Variants in MACROD2 observed in about 807,000 individuals in gnomAD.
MACROD2 encodes ADP-ribose glycohydrolase MACROD2.
Under a neutral mutation model 70.4 loss-of-function variants are expected in MACROD2, and 36 were observed. That is an observed-to-expected ratio of 0.51 (90% confidence interval 0.39 to 0.68). MACROD2 has a LOEUF of 0.68. MACROD2 is among the 30% of genes least tolerant of loss of function. The probability of loss-of-function intolerance (pLI) is 0.00; values close to 1 mark genes in which losing one functional copy is unlikely to be tolerated. For missense variants in MACROD2, 496 were observed against 538.4 expected (o/e 0.92, Z 0.78); for synonymous variants, 172 against 178.8 (o/e 0.96, Z 0.30).
chr20:15,366,039 A>G (rs566219459), intron 6 of MACROD2, among the ~76,000 whole-genome samples: 35 of 152,350 alleles, frequency 2.3e-4, no homozygotes, highest in South Asian at 1.2e-3. Context: ...AGATATAGGA[A>G]TGTAAGATGA....
intron 3 of MACROD2, among the ~76,000 whole-genome samples, chr20:14,276,943 C>T (rs958338477): frequency 1.3e-5 from 2 of 152,180 alleles, no homozygotes; most frequent in African/African-American, 4.8e-5. Context: ...CGGACCATGT[C>T]TTCCTCATCT....
At chr20:15,693,349 G>A (rs1345319494) in intron 8 of MACROD2, among the ~76,000 whole-genome samples, 1 of 152,184 alleles carries the variant, frequency 6.6e-6, no homozygotes, top group Non-Finnish European at 1.5e-5. Context: ...CCAAGAGATA[G>A]TGTCTTGTAT....
intron 10 of MACROD2, among the ~76,000 whole-genome samples, chr20:15,925,575 G>T (rs144770578): frequency 6.6e-6 from 1 of 152,204 alleles, no homozygotes; most frequent in South Asian, 2.1e-4. Context: ...GTTTTGGTAC[G>T]CTTGGGTCAT....
chr20:14,136,225 TA>T (rs199628785), intron 3 of MACROD2, among the ~76,000 whole-genome samples: 1 of 151,920 alleles, frequency 6.6e-6, no homozygotes, highest in African/African-American at 2.4e-5. Context: ...GTTATTTTAT[TA>T]AAAAAAACAA....
intron 8 of MACROD2, among the ~76,000 whole-genome samples, chr20:15,838,998 G>A (rs1442258144): frequency 6.6e-6 from 1 of 152,092 alleles, no homozygotes; most frequent in East Asian, 1.9e-4. Flanking sequence ...ATATGGATAT[G>A]ACTATAGATA....
At chr20:15,919,237 C>T (rs2065365281) in intron 10 of MACROD2, among the ~76,000 whole-genome samples, 2 of 152,138 alleles carry the variant, frequency 1.3e-5, no homozygotes, top group South Asian at 2.1e-4. Flanking sequence ...ATTCATGTGT[C>T]GTTTTATGTC....
At chr20:15,593,082 A>G (rs1322250518) in intron 8 of MACROD2, among the ~76,000 whole-genome samples, 1 of 152,190 alleles carries the variant, frequency 6.6e-6, no homozygotes, top group Non-Finnish European at 1.5e-5. Context: ...TGATAATTGC[A>G]GTGTGGCGGT....
At chr20:15,868,957 T>G (rs905635868) in intron 9 of MACROD2, among the ~76,000 whole-genome samples, 24 of 151,536 alleles carry the variant, frequency 1.6e-4, no homozygotes, top group Non-Finnish European at 3.1e-4. Flanking sequence ...GCTAATTTTA[T>G]TTGTTTGTTT....
At chr20:15,954,558 C>A (rs1403481255) in intron 12 of MACROD2, among the ~76,000 whole-genome samples, 1 of 152,148 alleles carries the variant, frequency 6.6e-6, no homozygotes, top group African/African-American at 2.4e-5. Flanking sequence ...TTTATGTTGT[C>A]CACCATTTTA....
At chr20:14,774,394 T>G (rs117803200) in intron 5 of MACROD2, among the ~76,000 whole-genome samples, 5,142 of 152,202 alleles carry the variant, frequency 0.034, 131 homozygotes, top group Non-Finnish European at 0.049. Flanking sequence ...ATTCAAGGTC[T>G]AATTATTTTC....
chr20:14,617,943 G>T (rs577034143), intron 4 of MACROD2, among the ~76,000 whole-genome samples: 6 of 152,272 alleles, frequency 3.9e-5, no homozygotes, highest in Non-Finnish European at 8.8e-5. Flanking sequence ...GAGTCTTGGA[G>T]CTGAAGGGAG....
At chr20:14,676,226 C>T (rs926677030) in intron 4 of MACROD2, among the ~76,000 whole-genome samples, 2 of 152,154 alleles carry the variant, frequency 1.3e-5, no homozygotes, top group Admixed American at 6.6e-5. Flanking sequence ...ACTCTCCACT[C>T]CAAATCAACA....
intron 6 of MACROD2, among the ~76,000 whole-genome samples, chr20:15,281,376 A>T (rs2146088313): frequency 6.6e-6 from 1 of 152,342 alleles, no homozygotes; most frequent in Admixed American, 6.5e-5. Flanking sequence ...CTCATCTGAG[A>T]CAAGGCAAGT....
chr20:15,686,972 CTTTTA>C (rs1947178238), intron 8 of MACROD2, among the ~76,000 whole-genome samples: 1 of 141,252 alleles, frequency 7.1e-6, no homozygotes, highest in African/African-American at 2.6e-5. Flanking sequence ...AACTTTCTTT[CTTTTA>C]TATTTCTAAA....
intron 3 of MACROD2, among the ~76,000 whole-genome samples, chr20:14,174,898 A>G (rs1254723593): frequency 6.6e-6 from 1 of 151,984 alleles, no homozygotes; most frequent in Non-Finnish European, 1.5e-5. Flanking sequence ...AGTTCTCTAA[A>G]TTTGTCTCAG....
At chr20:14,268,561 G>A (rs935235128) in intron 3 of MACROD2, among the ~76,000 whole-genome samples, 2 of 152,076 alleles carry the variant, frequency 1.3e-5, no homozygotes, top group African/African-American at 4.8e-5. Context: ...AATTTCCATA[G>A]ATGATGGTAT....
At chr20:15,694,633 A>G (rs1285514648) in intron 8 of MACROD2, among the ~76,000 whole-genome samples, 2 of 151,986 alleles carry the variant, frequency 1.3e-5, no homozygotes, top group African/African-American at 2.4e-5. Flanking sequence ...TGCCAGATGT[A>G]TAGACTGTGA....
At chr20:14,238,248 G>A (rs1364231555) in intron 3 of MACROD2, among the ~76,000 whole-genome samples, 2 of 152,004 alleles carry the variant, frequency 1.3e-5, no homozygotes, top group Non-Finnish European at 2.9e-5. Flanking sequence ...TTTAACAAAT[G>A]CAAATCAATA....
intron 5 of MACROD2, among the ~76,000 whole-genome samples, chr20:14,990,733 T>C (rs1358713498): frequency 6.6e-6 from 1 of 151,970 alleles, no homozygotes; most frequent in Non-Finnish European, 1.5e-5. Flanking sequence ...AGGCTGGTCT[T>C]GAACTACTGA....
Sources: gnomAD v4.1 joint callset for allele counts (sites outside exome capture counted in the v4.1 genomes callset) on GRCh38, gnomAD v4.1.1 for gene constraint, MANE v1.5 for transcripts, NCBI Gene and HGNC (gene_info 2026-07-23, HGNC 2026-07-21) for gene names.